LURAP1L: variants seen among roughly 807,000 people sequenced by gnomAD.
LURAP1L encodes leucine rich adaptor protein 1 like.
A neutral mutation model predicts 13.8 loss-of-function variants in LURAP1L; 12 were observed. That is an observed-to-expected ratio of 0.87 (90% CI 0.56 to 1.41). The LOEUF (loss-of-function observed/expected upper bound fraction) is 1.41, where lower values mean the gene tolerates loss of function less well. Among genes scored for constraint, LURAP1L ranks in the 40% most tolerant of loss-of-function variants. LURAP1L has a pLI of 0.00. For synonymous variants in LURAP1L, 139 were observed against 119.2 expected, an observed-to-expected ratio of 1.17 and a Z score of -1.08; for missense variants, 375 against 292.9, an observed-to-expected ratio of 1.28 and a Z score of -2.04.
intron 1 of LURAP1L, among the ~76,000 whole-genome samples, chr9:12,814,108 C>T (rs780037586): frequency 1.3e-5 from 2 of 152,020 alleles, no homozygotes; most frequent in African/African-American, 2.4e-5. Flanking sequence ...TGTGTGTGTG[C>T]ATGTTTATTT....
In LURAP1L at chr9:12,821,721, G is replaced by A. The variant is rs151167062; in HGVS notation, c.648G>A (p.Lys216=). Residue 216 remains lysine, a synonymous_variant, in exon 2 of 2, where the codon AAG becomes AAA. Coordinates refer to ENST00000319264, the MANE Select transcript of LURAP1L (RefSeq NM_203403.2). ...SLIEDSQALH[K]RPKLDSEYYC... ...TAGAGGACTCACAGGCACTACACAA[G>A]CGTCCTAAATTGGATTCTGAATACT... The A allele has an allele frequency of 9.2e-5, 148 of 1,614,100 alleles. No individual in the cohort carries two copies. In the African/African-American group the frequency reaches 1.7e-3, roughly 19 times the overall value.
intron 1 of LURAP1L, chr9:12,777,069 G>A: frequency 4.4e-6 from 1 of 229,032 alleles, no homozygotes; most frequent in Non-Finnish European, 7.2e-6. Context: ...TAACTTCACA[G>A]TTGCTTTTGA....
intron 1 of LURAP1L, among the ~76,000 whole-genome samples, chr9:12,789,119 AT>A (rs1213023427): frequency 4.0e-5 from 6 of 151,512 alleles, no homozygotes; most frequent in Admixed American, 3.9e-4. Flanking sequence ...AAGAAAAAAT[AT>A]TGATAGATAA....
In LURAP1L at chr9:12,780,461, T is replaced by C. The variant is rs568580162; in HGVS notation, c.312+4434T>C. On this transcript the variant is annotated intron_variant, in intron 1 of 1. Coordinates refer to ENST00000319264, the MANE Select transcript of LURAP1L (RefSeq NM_203403.2). ...ATTTTCTTAAAAAGGGGCTAAACAC[T>C]GTGGTGGATGTTGAGATATAACTAG... Among the ~76,000 whole-genome samples, 12 of 152,344 alleles carry C rather than the reference T, an allele frequency of 7.9e-5. No individual in the cohort carries two copies. The South Asian group carries it at 2.1e-3, about 26-fold the overall frequency.
At position 12,822,511 on chromosome 9, in the gene LURAP1L, T is replaced by G. The variant is rs1156729267; in HGVS notation, c.*751T>G. 1.3e-5 allele frequency among the ~76,000 whole-genome samples: 2 copies of G among 152,348 alleles called. No individual in the cohort carries two copies. The highest frequency in any genetic ancestry group is 2.1e-4 in the South Asian group (1 of 4,826). On this transcript the variant is annotated 3_prime_UTR_variant, in exon 2 of 2. Coordinates refer to ENST00000319264, the MANE Select transcript of LURAP1L (RefSeq NM_203403.2). ...CATTCAAGGCAAAAATGTCCTAAAT[T>G]TAATTGCATTTTGAGATTTTGTTGG... is the stretch of plus-strand genomic sequence containing the variant.
intron 1 of LURAP1L, among the ~76,000 whole-genome samples, chr9:12,812,310 T>G (rs564787166): frequency 6.6e-6 from 1 of 152,310 alleles, no homozygotes; most frequent in Admixed American, 6.5e-5. Context: ...TACAGAATCA[T>G]AAAACTGGTG....
intron 1 of LURAP1L, among the ~76,000 whole-genome samples, chr9:12,815,055 G>T (rs1195359098): frequency 6.6e-6 from 1 of 152,172 alleles, no homozygotes; most frequent in African/African-American, 2.4e-5. Context: ...GAGTGGAAAT[G>T]TTGTACAGTG....
At chr9:12,776,783 G>C (rs942301671) in intron 1 of LURAP1L, among the ~76,000 whole-genome samples, 4 of 151,994 alleles carry the variant, frequency 2.6e-5, no homozygotes, top group Non-Finnish European at 4.4e-5. Context: ...GTTTGCAAAC[G>C]TTTGCCTGAG....
At chr9:12,781,887 G>T (rs1051796502) in intron 1 of LURAP1L, among the ~76,000 whole-genome samples, 1 of 152,058 alleles carries the variant, frequency 6.6e-6, no homozygotes, top group Non-Finnish European at 1.5e-5. Flanking sequence ...AGTGTACAAG[G>T]GTTCCCTTTT....
At chr9:12,805,849 G>C (rs545862883) in intron 1 of LURAP1L, among the ~76,000 whole-genome samples, 4 of 152,260 alleles carry the variant, frequency 2.6e-5, no homozygotes, top group East Asian at 3.9e-4. Context: ...GCCCAACCTT[G>C]TGATCCAGTA....
At chr9:12,805,003 T>C (rs1051923675) in intron 1 of LURAP1L, among the ~76,000 whole-genome samples, 1 of 152,150 alleles carries the variant, frequency 6.6e-6, no homozygotes, top group Admixed American at 6.5e-5. Context: ...GATTAACTAA[T>C]GTCTTCATTA....
rs542607334 is a variant in LURAP1L, at chr9:12,822,761, C to T, written c.*1001C>T. The stretch of plus-strand genomic sequence containing the variant: ...AAGTTTTCTGAAATGGAATATTTAA[C>T]GCACATAGACAGTGGATATTTACTT... On this transcript the variant is annotated 3_prime_UTR_variant, in exon 2 of 2. Transcript: ENST00000319264. Among the ~76,000 whole-genome samples, 188 of 152,142 alleles carry T rather than the reference C, an allele frequency of 1.2e-3. No homozygotes were observed. Among genetic ancestry groups the T allele is most frequent in the African/African-American group, 4.1e-3 (172 of 41,526 alleles).
At chr9:12,797,894 GTTTGT>G (rs1043947834) in intron 1 of LURAP1L, among the ~76,000 whole-genome samples, 1 of 151,800 alleles carries the variant, frequency 6.6e-6, no homozygotes, top group African/African-American at 2.4e-5. Flanking sequence ...AATTCATTTT[GTTTGT>G]TTTCTTTTTT....
In LURAP1L at chr9:12,775,169, A is replaced by G. The variant is rs1355747104; in HGVS notation, c.-547A>G. The G allele has an allele frequency of 6.6e-6, 1 of 152,272 alleles. No homozygotes were observed. Among genetic ancestry groups the G allele is most frequent in the African/African-American group, 2.4e-5 (1 of 41,462 alleles). 9.4% of individuals were successfully genotyped at this position (152,272 alleles called of 1,614,324 possible). A position where few individuals can be genotyped will look rare whatever the true frequency, so the allele number is the denominator to read the frequency against. On this transcript the variant is annotated 5_prime_UTR_variant, in exon 1 of 2. Transcript: ENST00000319264. Reference sequence around the variant, plus strand: ...TTTCACTGACCAGAGATTATTTCTGACAACCCAGGATATCCCGAAAGCTTG... The same window carrying G: ...TTTCACTGACCAGAGATTATTTCTGGCAACCCAGGATATCCCGAAAGCTTG...
At chr9:12,806,509 C>T (rs890349960) in intron 1 of LURAP1L, among the ~76,000 whole-genome samples, 3 of 151,924 alleles carry the variant, frequency 2.0e-5, no homozygotes, top group Admixed American at 6.6e-5. Context: ...AAAACTATAA[C>T]CACATAGATA....
intron 1 of LURAP1L, among the ~76,000 whole-genome samples, chr9:12,788,674 T>C (rs1819397221): frequency 6.6e-6 from 1 of 152,054 alleles, no homozygotes; most frequent in Non-Finnish European, 1.5e-5. Context: ...TTATTATGGA[T>C]GTATAAAGCA....
chr9:12,814,505 G>A (rs1276586657), intron 1 of LURAP1L, among the ~76,000 whole-genome samples: 3 of 152,130 alleles, frequency 2.0e-5, no homozygotes, highest in Non-Finnish European at 4.4e-5. Context: ...TATGGAAAAG[G>A]AATTGACATC....
chr9:12,808,856 T>G lies in LURAP1L; in HGVS notation c.313-12530T>G, dbSNP rs139226333. Among the ~76,000 whole-genome samples the G allele has an allele frequency of 1.9e-3, 286 of 152,292 alleles. 3 individuals are homozygous for G. Among genetic ancestry groups the G allele is most frequent in the African/African-American group, 6.2e-3 (258 of 41,562 alleles). ...CAGTATTCCCATTATACATGTGTTA[T>G]TCTGTGTCAGTCCATTTGCATTGCT... is the stretch of plus-strand genomic sequence containing the variant. On this transcript the variant is annotated intron_variant, in intron 1 of 1. Coordinates refer to ENST00000319264, the MANE Select transcript of LURAP1L (RefSeq NM_203403.2).
chr9:12,813,947 G>T (rs1158451135), intron 1 of LURAP1L, among the ~76,000 whole-genome samples: 1 of 152,084 alleles, frequency 6.6e-6, no homozygotes. Context: ...AGTTCAGCAA[G>T]AATAAATAAA....
Sources: gnomAD v4.1 joint callset for allele counts (sites outside exome capture counted in the v4.1 genomes callset) on GRCh38, gnomAD v4.1.1 for gene constraint, MANE v1.5 for transcripts, NCBI Gene and HGNC (gene_info 2026-07-23, HGNC 2026-07-21) for gene names.